LIPC: variants seen among roughly 807,000 people sequenced by gnomAD.
The protein encoded by LIPC is lipase C, hepatic type, also known as hepatic triacylglycerol lipase.
In LIPC, 44 loss-of-function variants were observed where a neutral mutation model predicts 50.7. The ratio of observed to expected loss-of-function variants is 0.87; its 90% confidence interval spans 0.68 to 1.11. The LOEUF (loss-of-function observed/expected upper bound fraction) is 1.11. Ranked by LOEUF, LIPC falls within the 50% of genes most tolerant of loss-of-function variation. LIPC has a pLI of 0.00. For missense variants in LIPC, 697 were observed against 648.2 expected (o/e 1.08, Z -0.82); for synonymous variants, 271 against 256.4 (o/e 1.06, Z -0.54).
intron 1 of LIPC, among the ~76,000 whole-genome samples, chr15:58,534,318 G>A (rs1183313181): frequency 6.6e-6 from 1 of 152,146 alleles, no homozygotes; most frequent in African/African-American, 2.4e-5. Flanking sequence ...TTGAAGCCAC[G>A]GGCTTCCCTT....
At chr15:58,494,112 T>TGG (rs1368100841) in intron 1 of LIPC, among the ~76,000 whole-genome samples, 1 of 152,192 alleles carries the variant, frequency 6.6e-6, no homozygotes. Flanking sequence ...TTCCTTGCCA[T>TGG]GGGGGCCTCT....
chr15:58,491,790 G>A (rs1414417457), intron 1 of LIPC, among the ~76,000 whole-genome samples: 1 of 152,160 alleles, frequency 6.6e-6, no homozygotes, highest in Non-Finnish European at 1.5e-5. Flanking sequence ...CCTCATCCCT[G>A]GCCTGACCTA....
chr15:58,539,092 C>T (rs935052440), intron 2 of LIPC, among the ~76,000 whole-genome samples: 5 of 152,192 alleles, frequency 3.3e-5, no homozygotes, highest in African/African-American at 1.2e-4. Flanking sequence ...TGGGGTGTGA[C>T]CCTCATCCTC....
At chr15:58,480,984 A>G (rs1891167253) in intron 1 of LIPC, among the ~76,000 whole-genome samples, 1 of 152,188 alleles carries the variant, frequency 6.6e-6, no homozygotes, top group Non-Finnish European at 1.5e-5. Context: ...AGCATGGCAC[A>G]CAACAGATGT....
chr15:58,545,861 G>C lies in LIPC; in HGVS notation c.694G>C (p.Val232Leu), dbSNP rs760729045. The C allele has an allele frequency of 6.8e-6, 11 of 1,614,094 alleles. No individual in the cohort carries two copies. The highest frequency in any genetic ancestry group is 1.1e-5 in the South Asian group (1 of 91,084). ...TFTREHMGLS[V>L]GIKQPIGHYD... ...TACCCGGGAGCACATGGGCCTGAGCGTGGGCATCAAACAGCCCATAGGACA... is the reference window on the plus strand; with the variant it reads ...TACCCGGGAGCACATGGGCCTGAGCCTGGGCATCAAACAGCCCATAGGACA... The change falls in exon 5 of 9, where the codon GTG (valine) becomes CTG (leucine). Residue 232 changes from valine (V) to leucine (L), a missense_variant. Val to Leu is a conservative substitution (Grantham distance 32). Transcript: ENST00000299022.
intron 1 of LIPC, among the ~76,000 whole-genome samples, chr15:58,529,306 C>G (rs1458165287): frequency 6.6e-6 from 1 of 152,154 alleles, no homozygotes; most frequent in Non-Finnish European, 1.5e-5. Context: ...CTGGCCTAAC[C>G]GTGGTCAGAT....
intron 1 of LIPC, among the ~76,000 whole-genome samples, chr15:58,468,681 A>G (rs539275850): frequency 4.6e-5 from 7 of 152,164 alleles, no homozygotes; most frequent in Non-Finnish European, 1.0e-4. Context: ...GAAGCTCATT[A>G]GAATCATCTA....
At chr15:58,518,882 T>G (rs1892564133) in intron 1 of LIPC, among the ~76,000 whole-genome samples, 1 of 151,740 alleles carries the variant, frequency 6.6e-6, no homozygotes, top group Admixed American at 6.6e-5. Flanking sequence ...TTACGGTGGT[T>G]GTAAACATAA....
intron 1 of LIPC, among the ~76,000 whole-genome samples, chr15:58,482,517 T>C (rs1405338186): frequency 6.6e-6 from 1 of 152,146 alleles, no homozygotes; most frequent in Non-Finnish European, 1.5e-5. Context: ...AAATGGACAA[T>C]TCATACCTGG....
chr15:58,461,273 C>A (rs1201303870), intron 1 of LIPC, among the ~76,000 whole-genome samples: 1 of 152,266 alleles, frequency 6.6e-6, no homozygotes, highest in Non-Finnish European at 1.5e-5. Context: ...CAGCAGCCAG[C>A]TGCAGGAATT....
chr15:58,518,600 C>T (rs1237746877), intron 1 of LIPC, among the ~76,000 whole-genome samples: 1 of 152,180 alleles, frequency 6.6e-6, no homozygotes, highest in Non-Finnish European at 1.5e-5. Context: ...TGGAAGGCAA[C>T]ACGGAATTAG....
At chr15:58,542,184 C>T (rs1893354639) in intron 3 of LIPC, among the ~76,000 whole-genome samples, 1 of 152,158 alleles carries the variant, frequency 6.6e-6, no homozygotes. Flanking sequence ...TCTCCCCTCT[C>T]CTCATCCACT....
At chr15:58,489,223 C>G (rs10162912) in intron 1 of LIPC, among the ~76,000 whole-genome samples, 61,594 of 66,890 alleles carry the variant, frequency 0.92, 29,333 homozygotes, top group South Asian at 0.98. Flanking sequence ...GTTGCGGGGG[C>G]GGGGGGGCGG....
At position 58,470,094 on chromosome 15, in the gene LIPC, G is replaced by A. The variant is rs1410065217; in HGVS notation, c.88+37974G>A. On this transcript the variant is annotated intron_variant, in intron 1 of 8. Transcript: ENST00000299022. ...ACTACGGGTACATACCACCACACCCGGATAATTTTTGTAATTTTTTAGAGA... is the reference window on the plus strand; with the variant it reads ...ACTACGGGTACATACCACCACACCCAGATAATTTTTGTAATTTTTTAGAGA... Among the ~76,000 whole-genome samples, 7 of 151,856 alleles carry A rather than the reference G, an allele frequency of 4.6e-5. No homozygotes were observed. In the East Asian group the frequency reaches 9.7e-4, roughly 21 times the overall value.
At chr15:58,508,197 CT>C (rs1331086467) in intron 1 of LIPC, among the ~76,000 whole-genome samples, 1 of 148,312 alleles carries the variant, frequency 6.7e-6, no homozygotes, top group African/African-American at 2.5e-5. Flanking sequence ...TCATCCAGAG[CT>C]TTGGGAGAGA....
rs140539865 is a variant in LIPC at position 58,544,919 on chromosome 15, T to C, written c.575-823T>C. Among the ~76,000 whole-genome samples, 579 of 152,292 alleles carry C rather than the reference T, an allele frequency of 3.8e-3. 9 individuals carry two copies. Among genetic ancestry groups the C allele is most frequent in the African/African-American group, 0.013 (548 of 41,582 alleles). On this transcript the variant is annotated intron_variant, in intron 4 of 8. Coordinates refer to ENST00000299022, the MANE Select transcript of LIPC (RefSeq NM_000236.3). Reference sequence around the variant, plus strand: ...AGCCAGGAGGTGCCACCTTACTTCATGCACAGACATCTGTCACTTGAGGCC... The same window carrying C: ...AGCCAGGAGGTGCCACCTTACTTCACGCACAGACATCTGTCACTTGAGGCC...
intron 1 of LIPC, among the ~76,000 whole-genome samples, chr15:58,452,220 T>C (rs1893925219): frequency 6.6e-6 from 1 of 152,170 alleles, no homozygotes; most frequent in Admixed American, 6.5e-5. Flanking sequence ...AAATTCTCCA[T>C]CCCACTCAAG....
chr15:58,453,552 G>A (rs1893990394), intron 1 of LIPC, among the ~76,000 whole-genome samples: 2 of 152,094 alleles, frequency 1.3e-5, no homozygotes, highest in African/African-American at 2.4e-5. Context: ...GCTTCTTTGA[G>A]AGCCCTGGAG....
At chr15:58,439,054 C>T (rs1025872489) in intron 1 of LIPC, among the ~76,000 whole-genome samples, 1 of 152,218 alleles carries the variant, frequency 6.6e-6, no homozygotes, top group Admixed American at 6.5e-5. Context: ...AGTTCTGGCA[C>T]GGCTCTCCAG....
Sources: gnomAD v4.1 joint callset for allele counts (sites outside exome capture counted in the v4.1 genomes callset) on GRCh38, gnomAD v4.1.1 for gene constraint, MANE v1.5 for transcripts, NCBI Gene and HGNC (gene_info 2026-07-23, HGNC 2026-07-21) for gene names.